PAK2: variants seen among roughly 807,000 people sequenced by gnomAD.
PAK2 encodes the protein serine/threonine-protein kinase PAK 2.
PAK2 carries 21 observed loss-of-function variants against 65.9 expected under a neutral mutation model. The ratio of observed to expected loss-of-function variants is 0.32; its 90% CI spans 0.23 to 0.46. The LOEUF (loss-of-function observed/expected upper bound fraction) is 0.46. Among genes scored for constraint, PAK2 ranks in the 20% least tolerant of loss-of-function variants. PAK2 has a pLI of 1.00. For synonymous variants in PAK2, 204 were observed against 219.7 expected (o/e 0.93, Z 0.63); for missense variants, 324 against 642.6 (o/e 0.50, Z 5.36).
chr3:196,799,348 G>A (rs1715350292), intron 2 of PAK2, among the ~76,000 whole-genome samples: 1 of 152,202 alleles, frequency 6.6e-6, no homozygotes, highest in Non-Finnish European at 1.5e-5. Flanking sequence ...TGTGCGCTCT[G>A]CACTGATAAC....
At chr3:196,764,005 A>G (rs1267108106) in intron 1 of PAK2, among the ~76,000 whole-genome samples, 16 of 145,372 alleles carry the variant, frequency 1.1e-4, no homozygotes, top group Non-Finnish European at 1.7e-4. Flanking sequence ...ATGGGGTTTC[A>G]CCGTGTTAGC....
Position 196,801,820 on chromosome 3 carries a change from C to G in PAK2, c.188-107C>G, listed in dbSNP as rs898482753. 5 of 616,098 alleles carry G rather than the reference C, an allele frequency of 8.1e-6. No homozygotes were observed. In the African/African-American group the frequency reaches 9.4e-5, roughly 12 times the overall value. 38.2% of individuals were successfully genotyped at this position (616,098 alleles called of 1,614,324 possible). A position where few individuals can be genotyped will look rare whatever the true frequency, so the allele number is the denominator to read the frequency against. On this transcript the variant is annotated intron_variant, in intron 2 of 14. Coordinates refer to ENST00000327134, the MANE Select transcript of PAK2 (RefSeq NM_002577.4). ...TGCACTCCAGCCTGGGCAACAAGAG[C>G]GAAACTCCATTTAAAAAAACAAAAG...
intron 1 of PAK2, among the ~76,000 whole-genome samples, chr3:196,781,997 T>G (rs1714729789): frequency 6.6e-6 from 1 of 152,146 alleles, no homozygotes; most frequent in Non-Finnish European, 1.5e-5. Flanking sequence ...TTCCACCTAC[T>G]CAGGAGGCTG....
Position 196,818,041 on chromosome 3 carries a change from T to C in PAK2, c.1054-16T>C, listed in dbSNP as rs1326685173. On this transcript the variant is annotated splice_polypyrimidine_tract_variant and intron_variant, in intron 11 of 14. Transcript: ENST00000327134. ...TCAGGGACTATTTCATTAATAGGTG[T>C]TTTTCTTCTGTTCAGTGTTTACAGG... The C allele has an allele frequency of 9.1e-7, 1 of 1,094,980 alleles. No individual in the cohort carries two copies. The highest frequency in any genetic ancestry group is 1.4e-6 in the Non-Finnish European group (1 of 711,798). 67.8% of individuals were successfully genotyped at this position (1,094,980 alleles called of 1,614,324 possible).
At chr3:196,802,812 C>T (rs534079325) in intron 3 of PAK2, among the ~76,000 whole-genome samples, 1 of 152,242 alleles carries the variant, frequency 6.6e-6, no homozygotes, top group African/African-American at 2.4e-5. Flanking sequence ...CACGACTGCA[C>T]TCCAGCCTGG....
chr3:196,826,118 C>T (rs565520564), intron 13 of PAK2, among the ~76,000 whole-genome samples: 1 of 152,156 alleles, frequency 6.6e-6, no homozygotes, highest in African/African-American at 2.4e-5. Flanking sequence ...TCCCAGAGTG[C>T]TAGGATTACA....
At chr3:196,759,489 GTTTTTTTTGTTTTTT>G (rs1713878093) in intron 1 of PAK2, among the ~76,000 whole-genome samples, 2 of 98,852 alleles carry the variant, frequency 2.0e-5, no homozygotes, top group Admixed American at 1.2e-4. Context: ...CAGTTAAGTG[GTTTTTTTTGTTTTTT>G]TTTTTTTTTT....
intron 13 of PAK2, among the ~76,000 whole-genome samples, chr3:196,824,945 G>C (rs1035317305): frequency 1.1e-4 from 17 of 152,112 alleles, no homozygotes; most frequent in Non-Finnish European, 7.4e-5. Context: ...GTATAATAAT[G>C]TAGACAATAA....
chr3:196,792,816 T>C (rs865866163), intron 2 of PAK2, among the ~76,000 whole-genome samples: 1 of 151,394 alleles, frequency 6.6e-6, no homozygotes, highest in Non-Finnish European at 1.5e-5. Flanking sequence ...TATATATATA[T>C]ACACACACAC....
At chr3:196,780,210 A>C (rs9852432) in intron 1 of PAK2, among the ~76,000 whole-genome samples, 1 of 152,050 alleles carries the variant, frequency 6.6e-6, no homozygotes, top group Non-Finnish European at 1.5e-5. Flanking sequence ...TTTGCACACA[A>C]AGATAGAGAT....
Position 196,825,500 on chromosome 3 carries a change from G to A in PAK2, c.1351-1696G>A, listed in dbSNP as rs556945759. 7.2e-4 allele frequency among the ~76,000 whole-genome samples: 108 copies of A among 149,962 alleles called. 2 individuals are homozygous for A. Among genetic ancestry groups the A allele is most frequent in the African/African-American group, 2.5e-3 (100 of 39,806 alleles). ...CTACTGAAAATACAAAAAATTAGCC[G>A]GGCATTTTGGCGGGCGCCTATAATC... On this transcript the variant is annotated intron_variant, in intron 13 of 14. Coordinates refer to ENST00000327134, the MANE Select transcript of PAK2 (RefSeq NM_002577.4).
chr3:196,746,710 T>C (rs1713391503), intron 1 of PAK2, among the ~76,000 whole-genome samples: 1 of 151,370 alleles, frequency 6.6e-6, no homozygotes, highest in South Asian at 2.1e-4. Flanking sequence ...CTCGGGAGGC[T>C]GAGGCAGGAG....
chr3:196,813,054 G>A (rs957703179), intron 10 of PAK2, among the ~76,000 whole-genome samples: 11 of 152,058 alleles, frequency 7.2e-5, no homozygotes, highest in Admixed American at 6.6e-5. Context: ...GTGAGAGAAG[G>A]CAGTTAATTG....
At chr3:196,825,149 C>T (rs1287702683) in intron 13 of PAK2, among the ~76,000 whole-genome samples, 3 of 150,168 alleles carry the variant, frequency 2.0e-5, no homozygotes, top group Non-Finnish European at 3.0e-5. Flanking sequence ...AGTTTGAGAC[C>T]AGCCTGGCCA....
chr3:196,759,820 C>T (rs1483919192), intron 1 of PAK2, among the ~76,000 whole-genome samples: 1 of 151,966 alleles, frequency 6.6e-6, no homozygotes, highest in Non-Finnish European at 1.5e-5. Flanking sequence ...TCACTGTGCC[C>T]AGCCAGTTAA....
intron 13 of PAK2, among the ~76,000 whole-genome samples, chr3:196,825,850 T>C (rs2108777207): frequency 6.6e-6 from 1 of 152,156 alleles, no homozygotes; most frequent in Middle Eastern, 3.4e-3. Flanking sequence ...GTTTTTTTGG[T>C]TTTTATTTTT....
intron 13 of PAK2, among the ~76,000 whole-genome samples, chr3:196,825,030 C>A (rs924882910): frequency 6.6e-6 from 1 of 152,104 alleles, no homozygotes; most frequent in Non-Finnish European, 1.5e-5. Context: ...CCTAAAACTT[C>A]TAAAAAATTA....
chr3:196,817,582 A>C (rs62410761), intron 11 of PAK2, among the ~76,000 whole-genome samples: 1 of 151,436 alleles, frequency 6.6e-6, no homozygotes, highest in Non-Finnish European at 1.5e-5. Flanking sequence ...CGAACTGCTG[A>C]CCTCAGGTGA....
At chr3:196,765,250 C>T (rs937791832) in intron 1 of PAK2, among the ~76,000 whole-genome samples, 5 of 150,140 alleles carry the variant, frequency 3.3e-5, no homozygotes, top group Non-Finnish European at 7.4e-5. Flanking sequence ...CGAGTTCAAG[C>T]GATTCTCTTG....
Sources: gnomAD v4.1 joint callset for allele counts (sites outside exome capture counted in the v4.1 genomes callset) on GRCh38, gnomAD v4.1.1 for gene constraint, MANE v1.5 for transcripts, NCBI Gene and HGNC (gene_info 2026-07-23, HGNC 2026-07-21) for gene names.